Variants in ATF3 observed in about 807,000 individuals in gnomAD.
The protein encoded by ATF3 is cyclic AMP-dependent transcription factor ATF-3.
Under a neutral mutation model 18.4 loss-of-function variants are expected in ATF3, and 10 were observed. That is an observed-to-expected ratio of 0.54 (90% CI 0.34 to 0.92). ATF3 has a LOEUF of 0.92. Among genes scored for constraint, ATF3 ranks in the 40% least tolerant of loss-of-function variants. The pLI is 0.02. For missense variants in ATF3, 183 were observed against 222.3 expected (o/e 0.82, Z 1.12); for synonymous variants, 78 against 87.9 (o/e 0.89, Z 0.63).
At chr1:212,600,003 T>C (rs750613240) in intron 1 of ATF3, among the ~76,000 whole-genome samples, 1 of 152,240 alleles carries the variant, frequency 6.6e-6, no homozygotes, top group Non-Finnish European at 1.5e-5. Flanking sequence ...AATTTTGCAA[T>C]GAAAAGATCC....
At position 212,619,255 on chromosome 1, in the gene ATF3, G is replaced by T. The variant is rs1485178485; in HGVS notation, c.349-103G>T. On this transcript the variant is annotated intron_variant, in intron 3 of 3. Coordinates refer to ENST00000341491, the MANE Select transcript of ATF3 (RefSeq NM_001674.4). This position sits in a 1 kb window ranked among gnomAD's most constrained non-coding sequence, Gnocchi z 4.4. ...TTCCTCTCGCAGCTTGATGAGCCCC[G>T]GTGTGTCCCAGGTACACCCCTGCAT... The T allele has an allele frequency of 1.2e-6, 2 of 1,610,600 alleles. No individual in the cohort carries two copies. The highest frequency in any genetic ancestry group is 1.7e-5 in the Admixed American group (1 of 59,884).
At chr1:212,581,318 T>G (rs1418254798) in intron 1 of ATF3, among the ~76,000 whole-genome samples, 1 of 152,182 alleles carries the variant, frequency 6.6e-6, no homozygotes, top group Admixed American at 6.5e-5. Context: ...CTGACTTTAG[T>G]GGAAGTCCTA....
chr1:212,602,285 G>A (rs1015599677), intron 1 of ATF3, among the ~76,000 whole-genome samples: 10 of 152,084 alleles, frequency 6.6e-5, no homozygotes, highest in African/African-American at 2.2e-4. Context: ...CTTACAATCA[G>A]CTTTTTTCAC....
chr1:212,616,206 G>A (rs557447705), intron 2 of ATF3, among the ~76,000 whole-genome samples: 1 of 152,020 alleles, frequency 6.6e-6, no homozygotes, highest in African/African-American at 2.4e-5. Flanking sequence ...TATAGATGCA[G>A]CCCTGGGCTC....
chr1:212,603,255 C>T (rs1654533223), intron 1 of ATF3, among the ~76,000 whole-genome samples: 1 of 152,280 alleles, frequency 6.6e-6, no homozygotes, highest in Admixed American at 6.5e-5. Context: ...CCTGGCTGCT[C>T]TAATTCTGTA....
intron 1 of ATF3, among the ~76,000 whole-genome samples, chr1:212,568,808 C>T (rs571827315): frequency 2.8e-4 from 42 of 152,284 alleles, no homozygotes; most frequent in Non-Finnish European, 1.0e-4. Context: ...ATTGCCTGTC[C>T]AACACAGTCA....
At chr1:212,574,380 C>T (rs11119975) in intron 1 of ATF3, among the ~76,000 whole-genome samples, 19,235 of 151,840 alleles carry the variant, frequency 0.13, 1,708 homozygotes, top group East Asian at 0.32. Context: ...AGTTATACTG[C>T]ACTGTGATCA....
At chr1:212,579,869 G>A (rs907568932) in intron 1 of ATF3, among the ~76,000 whole-genome samples, 7 of 152,108 alleles carry the variant, frequency 4.6e-5, no homozygotes, top group Non-Finnish European at 7.4e-5. Flanking sequence ...TGTAGACTGG[G>A]CACAGTGGCT....
intron 1 of ATF3, among the ~76,000 whole-genome samples, chr1:212,593,630 A>T (rs911503662): frequency 6.6e-6 from 1 of 150,848 alleles, no homozygotes; most frequent in Non-Finnish European, 1.5e-5. Flanking sequence ...AGTCCCAGCT[A>T]TTTGGGAGGC....
chr1:212,597,419 T>TTATC (rs11404416), intron 1 of ATF3, among the ~76,000 whole-genome samples: 13,416 of 150,778 alleles, frequency 0.089, 819 homozygotes, highest in African/African-American at 0.17. Context: ...TTACATCTAT[T>TTATC]TATCTATCTA....
rs545764501 is a variant in ATF3 at position 212,586,573 on chromosome 1, A to C, written c.-5+21090A>C. ...ATCTTGAATAATATTCCTGCCCTGA[A>C]TAACTTTGGAGAAAGTGCCAAAGAA... On this transcript the variant is annotated intron_variant, in intron 1 of 3. Transcript: ENST00000366981. 7.2e-5 allele frequency among the ~76,000 whole-genome samples: 11 copies of C among 152,324 alleles called. No individual in the cohort carries two copies. In the South Asian group the frequency reaches 2.3e-3, roughly 32 times the overall value.
At chr1:212,585,730 T>C (rs1056699708) in intron 1 of ATF3, among the ~76,000 whole-genome samples, 1 of 152,196 alleles carries the variant, frequency 6.6e-6, no homozygotes, top group Non-Finnish European at 1.5e-5. Context: ...GGTTACAGGA[T>C]CATTTCTGGT....
intron 1 of ATF3, among the ~76,000 whole-genome samples, chr1:212,601,363 A>G (rs950907662): frequency 6.6e-6 from 1 of 152,224 alleles, no homozygotes; most frequent in Non-Finnish European, 1.5e-5. Flanking sequence ...TTTTCTGGTA[A>G]GGTCAACTCT....
intron 1 of ATF3, among the ~76,000 whole-genome samples, chr1:212,570,774 C>CT (rs1448339338): frequency 6.6e-6 from 1 of 152,166 alleles, no homozygotes; most frequent in Non-Finnish European, 1.5e-5. Flanking sequence ...TGAAATTCAT[C>CT]TGTGTTGGTG....
At chr1:212,593,532 C>T (rs1485775042) in intron 1 of ATF3, among the ~76,000 whole-genome samples, 1 of 151,750 alleles carries the variant, frequency 6.6e-6, no homozygotes, top group African/African-American at 2.4e-5. Context: ...CCCAGGCATT[C>T]AAGACCAGCC....
intron 1 of ATF3, among the ~76,000 whole-genome samples, chr1:212,572,826 T>C (rs918163244): frequency 1.3e-5 from 2 of 152,230 alleles, no homozygotes; most frequent in Non-Finnish European, 2.9e-5. Flanking sequence ...TTTGCTGTTG[T>C]CATTTTATCT....
chr1:212,583,977 C>A (rs3106401), intron 1 of ATF3, among the ~76,000 whole-genome samples: 1 of 151,894 alleles, frequency 6.6e-6, no homozygotes. Flanking sequence ...CAAAACAGAC[C>A]GTATCTCTGC....
chr1:212,584,921 G>C (rs962681710), intron 1 of ATF3, among the ~76,000 whole-genome samples: 3 of 152,194 alleles, frequency 2.0e-5, no homozygotes, highest in Non-Finnish European at 4.4e-5. Flanking sequence ...CTTTGTGTGT[G>C]AGGATACCTG....
upstream of ATF3, among the ~76,000 whole-genome samples, chr1:212,605,811 C>T (rs1425224663): frequency 1.3e-5 from 2 of 152,216 alleles, no homozygotes; most frequent in Admixed American, 1.3e-4. Flanking sequence ...CATACCAAGG[C>T]TGATCTGAAT....
Sources: gnomAD v4.1 joint callset for allele counts (sites outside exome capture counted in the v4.1 genomes callset) on GRCh38, gnomAD v4.1.1 for gene constraint, Gnocchi (gnomAD v3.1) non-coding constraint, MANE v1.5 for transcripts, NCBI Gene and HGNC (gene_info 2026-07-23, HGNC 2026-07-21) for gene names.